Variants in AGBL1 observed in about 807,000 individuals in gnomAD.
AGBL1 encodes AGBL carboxypeptidase 1.
A neutral mutation model predicts 118.9 loss-of-function variants in AGBL1; 130 were observed. The observed-to-expected ratio is 1.09, with a 90% confidence interval of 0.95 to 1.26. The LOEUF is 1.26. Ranked by LOEUF, AGBL1 falls within the 50% of genes most tolerant of loss-of-function variation. The pLI, the probability that AGBL1 is intolerant of heterozygous loss-of-function variation, is 0.00. For synonymous variants in AGBL1, 555 were observed against 478.9 expected (o/e 1.16, Z -2.08); for missense variants, 1,584 against 1,298.1 (o/e 1.22, Z -3.38).
In AGBL1 at chr15:86,556,265, C is replaced by T. The variant is rs370398595; in HGVS notation, c.2994+1728C>T. 5.6e-6 allele frequency: 9 copies of T among 1,613,212 alleles called. No individual in the cohort carries two copies. The highest frequency in any genetic ancestry group is 2.2e-5 in the East Asian group (1 of 44,874). On this transcript the variant is annotated intron_variant, in intron 21 of 22. Coordinates refer to ENST00000614907, the MANE Select transcript of AGBL1 (RefSeq NM_001386094.1). Reference sequence around the variant, plus strand: ...GGAGAGGACAAAGAATGAAAGGGCTCACCCAGTGGATGGCCTTCAGGTATT... The same window carrying T: ...GGAGAGGACAAAGAATGAAAGGGCTTACCCAGTGGATGGCCTTCAGGTATT...
intron 5 of AGBL1, among the ~76,000 whole-genome samples, chr15:86,185,811 C>T (rs973201942): frequency 2.1e-4 from 32 of 151,972 alleles, no homozygotes; most frequent in South Asian, 6.3e-4. Flanking sequence ...ATGTAAATGA[C>T]GAGTTAATGG....
intron 18 of AGBL1, among the ~76,000 whole-genome samples, chr15:86,509,099 A>G (rs2083021528): frequency 6.6e-6 from 1 of 152,192 alleles, no homozygotes. Context: ...ACAGCAAGTG[A>G]GAGATCCAGA....
At chr15:86,330,968 G>A (rs1258927285) in intron 17 of AGBL1, among the ~76,000 whole-genome samples, 2 of 152,160 alleles carry the variant, frequency 1.3e-5, no homozygotes, top group East Asian at 3.8e-4. Flanking sequence ...GCTCATGTCT[G>A]TAATCCTGGC....
chr15:86,378,399 C>T (rs538207336), intron 17 of AGBL1, among the ~76,000 whole-genome samples: 1 of 152,222 alleles, frequency 6.6e-6, no homozygotes, highest in South Asian at 2.1e-4. Context: ...GCCTTCCTCT[C>T]TTGCCACTTT....
At chr15:86,141,159 T>G (rs893965059) in intron 1 of AGBL1, among the ~76,000 whole-genome samples, 1 of 152,210 alleles carries the variant, frequency 6.6e-6, no homozygotes, top group Non-Finnish European at 1.5e-5. Context: ...AAGTCCACAC[T>G]GTCTCTGAAT....
At chr15:86,115,233 C>T (rs1471822005) in intron 1 of AGBL1, among the ~76,000 whole-genome samples, 1 of 152,104 alleles carries the variant, frequency 6.6e-6, no homozygotes, top group African/African-American at 2.4e-5. Flanking sequence ...CAGGGGAGTA[C>T]CATAAAGTCA....
intron 7 of AGBL1, among the ~76,000 whole-genome samples, chr15:86,253,890 A>G (rs1363638139): frequency 6.6e-6 from 1 of 152,164 alleles, no homozygotes; most frequent in African/African-American, 2.4e-5. Flanking sequence ...CTCTATACCC[A>G]TTAAACTGAT....
intron 18 of AGBL1, among the ~76,000 whole-genome samples, chr15:86,491,310 G>GT (rs1567021980): frequency 6.6e-6 from 1 of 152,098 alleles, no homozygotes; most frequent in Non-Finnish European, 1.5e-5. Context: ...AAAATGTTTG[G>GT]CAGTATTTGG....
chr15:86,899,195 C>A (rs2080175844), intron 22 of AGBL1, among the ~76,000 whole-genome samples: 1 of 152,156 alleles, frequency 6.6e-6, no homozygotes, highest in Non-Finnish European at 1.5e-5. Flanking sequence ...CCATGGAATA[C>A]TATGCAGCCG....
At chr15:86,602,894 T>C (rs558909167) in intron 21 of AGBL1, among the ~76,000 whole-genome samples, 2 of 152,156 alleles carry the variant, frequency 1.3e-5, no homozygotes, top group Non-Finnish European at 2.9e-5. Flanking sequence ...TCTGTGTTCC[T>C]CCAGCAGTGG....
At chr15:86,461,236 C>T (rs1281496412) in intron 18 of AGBL1, among the ~76,000 whole-genome samples, 3 of 152,094 alleles carry the variant, frequency 2.0e-5, no homozygotes, top group African/African-American at 4.8e-5. Context: ...CTAGAAAGTC[C>T]TGCAACCACT....
chr15:86,333,346 G>A (rs1480472693), intron 17 of AGBL1, among the ~76,000 whole-genome samples: 1 of 152,080 alleles, frequency 6.6e-6, no homozygotes. Context: ...AACTAACAAA[G>A]GTGACATCAC....
intron 22 of AGBL1, among the ~76,000 whole-genome samples, chr15:86,697,167 CCTCAAT>C (rs2086277796): frequency 6.6e-6 from 1 of 151,838 alleles, no homozygotes; most frequent in African/African-American, 2.4e-5. Flanking sequence ...GGGAAGTTTT[CCTCAAT>C]TATTTCCCCT....
chr15:86,657,962 C>T (rs78170620), intron 21 of AGBL1, among the ~76,000 whole-genome samples: 40 of 151,848 alleles, frequency 2.6e-4, no homozygotes, highest in African/African-American at 9.0e-4. Flanking sequence ...TGCTCAACTT[C>T]TCTCAAACTC....
intron 9 of AGBL1, among the ~76,000 whole-genome samples, chr15:86,258,620 A>G (rs1476207246): frequency 6.6e-6 from 1 of 152,238 alleles, no homozygotes; most frequent in Non-Finnish European, 1.5e-5. Flanking sequence ...TGTGGACCAT[A>G]CAGTCTTTGT....
downstream of AGBL1, among the ~76,000 whole-genome samples, chr15:87,031,150 T>G (rs1311209578): frequency 1.3e-5 from 2 of 152,026 alleles, no homozygotes; most frequent in African/African-American, 4.8e-5. Context: ...TCTTTTCATG[T>G]GTCAGCTTTG....
intron 5 of AGBL1, among the ~76,000 whole-genome samples, chr15:86,195,186 A>G (rs1383571503): frequency 1.3e-5 from 2 of 152,196 alleles, no homozygotes; most frequent in Admixed American, 1.3e-4. Context: ...TGAGTTTTAT[A>G]GATCTATAGG....
intron 1 of AGBL1, among the ~76,000 whole-genome samples, chr15:86,102,388 A>G (rs1237042868): frequency 1.3e-5 from 2 of 151,960 alleles, no homozygotes; most frequent in African/African-American, 4.8e-5. Context: ...TGAGTTTTAT[A>G]CTTTCACATG....
chr15:86,157,519 C>G (rs1453286953), intron 4 of AGBL1, among the ~76,000 whole-genome samples: 1 of 152,120 alleles, frequency 6.6e-6, no homozygotes, highest in Non-Finnish European at 1.5e-5. Context: ...CTGGGATTTT[C>G]CTGTGGGTAT....
Sources: allele counts gnomAD v4.1 joint callset (sites outside exome capture counted in the v4.1 genomes callset), GRCh38; gene constraint gnomAD v4.1.1; transcripts MANE v1.5; gene names NCBI Gene and HGNC (gene_info 2026-07-23, HGNC 2026-07-21).